The following TET1 variants were observed in gnomAD, a reference collection of about 807,000 sequenced individuals.
The protein encoded by TET1 is tet methylcytosine dioxygenase 1, also known as methylcytosine dioxygenase TET1.
In TET1, 13 loss-of-function variants were observed where a neutral mutation model predicts 148.7. The observed-to-expected ratio is 0.09, with a 90% CI of 0.06 to 0.14. The LOEUF is 0.14. Among genes scored for constraint, TET1 ranks in the 10% least tolerant of loss-of-function variants. The probability of loss-of-function intolerance (pLI) is 1.00; values close to 1 mark genes in which losing one functional copy is unlikely to be tolerated. For synonymous variants in TET1, 907 were observed against 937.2 expected (o/e 0.97, Z 0.59); for missense variants, 2,182 against 2,553.8 (o/e 0.85, Z 3.14).
Position 68,592,395 on chromosome 10 carries a change from C to T in TET1, c.1915-8586C>T, listed in dbSNP as rs1339214382. Among the ~76,000 whole-genome samples, 3 of 152,116 alleles carry T rather than the reference C, an allele frequency of 2.0e-5. No homozygotes were observed. In the East Asian group the frequency reaches 5.8e-4, roughly 29 times the overall value. On this transcript the variant is annotated intron_variant, in intron 2 of 11. Coordinates refer to ENST00000373644, the MANE Select transcript of TET1 (RefSeq NM_030625.3). ...AACCAATCACCTCTCTTTAGTTCTC[C>T]CCTTGAAAAGGTAACTTATATTTTT...
intron 3 of TET1, among the ~76,000 whole-genome samples, chr10:68,633,183 C>CA (rs918853077): frequency 5.3e-5 from 8 of 150,934 alleles, no homozygotes; most frequent in Non-Finnish European, 8.9e-5. Context: ...GACCTCATCT[C>CA]AAAAAAAACA....
chr10:68,595,647 CATT>C (rs1484386990), intron 2 of TET1, among the ~76,000 whole-genome samples: 5 of 97,562 alleles, frequency 5.1e-5, no homozygotes. Context: ...GGTGTAGTCT[CATT>C]ATGTCACCCA....
chr10:68,640,590 C>T (rs527774903), intron 3 of TET1, among the ~76,000 whole-genome samples: 49 of 76,772 alleles, frequency 6.4e-4, no homozygotes, highest in African/African-American at 2.2e-3. Flanking sequence ...CTTGTTCTGT[C>T]GCCCAGGCTG....
chr10:68,580,656 C>G (rs1189711844), intron 2 of TET1, among the ~76,000 whole-genome samples: 1 of 151,144 alleles, frequency 6.6e-6, no homozygotes, highest in Non-Finnish European at 1.5e-5. Context: ...GTGGTGCATG[C>G]CTATAATCTC....
At chr10:68,595,979 T>TAC (rs2053980081) in intron 2 of TET1, among the ~76,000 whole-genome samples, 2 of 30,356 alleles carry the variant, frequency 6.6e-5, no homozygotes, top group Admixed American at 4.8e-4. Context: ...CACACACACA[T>TAC]ATATACACAC....
At chr10:68,670,297 C>A (rs1564503053) in intron 7 of TET1, among the ~76,000 whole-genome samples, 1 of 152,106 alleles carries the variant, frequency 6.6e-6, no homozygotes, top group African/African-American at 2.4e-5. Flanking sequence ...CTCCCTTAAT[C>A]CTTTTTGTTT....
intron 1 of TET1, among the ~76,000 whole-genome samples, chr10:68,565,312 T>C (rs1278562751): frequency 2.0e-5 from 3 of 151,718 alleles, no homozygotes; most frequent in Non-Finnish European, 4.4e-5. Context: ...CCACCCTGTC[T>C]TTACAAAAGA....
intron 1 of TET1, among the ~76,000 whole-genome samples, chr10:68,562,075 A>G (rs1219921959): frequency 6.6e-6 from 1 of 152,152 alleles, no homozygotes; most frequent in African/African-American, 2.4e-5. Context: ...AAGTGCTGCA[A>G]GACCTTGGAG....
intron 6 of TET1, among the ~76,000 whole-genome samples, chr10:68,654,757 T>G (rs2054997664): frequency 6.6e-6 from 1 of 152,250 alleles, no homozygotes; most frequent in African/African-American, 2.4e-5. Flanking sequence ...CATGTTTGAA[T>G]AACAAACAGG....
chr10:68,646,227 A>C lies in TET1; in HGVS notation c.3498A>C (p.Val1166=). ...GGCGGAAAAAGAAGCCCACAGTTGT[A>C]AGTTATCAAGAAAATGATCGGCAGA... The part of the protein sequence containing the change: ...RDRRKKKPTV[V]SYQENDRQKW... The change falls in exon 4 of 12, where the codon GTA becomes GTC. Residue 1166 remains valine (V), a synonymous_variant. Coordinates refer to ENST00000373644, the MANE Select transcript of TET1 (RefSeq NM_030625.3). 6.2e-7 allele frequency: 1 copy of C among 1,614,196 alleles called. No individual in the cohort carries two copies. Among genetic ancestry groups the C allele is most frequent in the Non-Finnish European group, 8.5e-7 (1 of 1,180,040 alleles).
chr10:68,659,535 T>C (rs1344388931), intron 6 of TET1, among the ~76,000 whole-genome samples: 1 of 152,074 alleles, frequency 6.6e-6, no homozygotes, highest in African/African-American at 2.4e-5. Context: ...CCCAGGCTGG[T>C]CTCGAACTCC....
chr10:68,673,051 T>C lies in TET1; in HGVS notation c.4824+6T>C. The C allele has an allele frequency of 6.3e-7, 1 of 1,595,592 alleles. No individual in the cohort carries two copies. The highest frequency in any genetic ancestry group is 8.6e-7 in the Non-Finnish European group (1 of 1,168,740). Reference sequence around the variant, plus strand: ...ATCCAAGCTCTCCCTTACATGTAAGTGTCCTTCTTTATTCAAATAATTTAT... The same window carrying C: ...ATCCAAGCTCTCCCTTACATGTAAGCGTCCTTCTTTATTCAAATAATTTAT... On this transcript the variant is annotated splice_donor_region_variant and intron_variant, in intron 8 of 11. Transcript: ENST00000373644.
chr10:68,681,975 A>AC (rs1377723999), intron 9 of TET1, among the ~76,000 whole-genome samples: 1 of 150,740 alleles, frequency 6.6e-6, no homozygotes, highest in Non-Finnish European at 1.5e-5. Context: ...CTCAAAAAAA[A>AC]AAACAAAAAA....
intron 3 of TET1, among the ~76,000 whole-genome samples, chr10:68,627,762 C>CTAA (rs137960231): frequency 1.4e-5 from 2 of 147,774 alleles, no homozygotes; most frequent in Admixed American, 6.7e-5. Context: ...CCCGTCTCTA[C>CTAA]CAAAAAAATA....
Position 68,632,179 on chromosome 10 carries a change from GGGCGTGGT to G in TET1, c.1969-12514_1969-12507del, listed in dbSNP as rs979921500. 3.9e-5 allele frequency among the ~76,000 whole-genome samples: 6 copies of G among 152,026 alleles called. No individual in the cohort carries two copies. In the East Asian group the frequency reaches 1.2e-3, roughly 30 times the overall value. On this transcript the variant is annotated intron_variant, in intron 3 of 11. Coordinates refer to ENST00000373644, the MANE Select transcript of TET1 (RefSeq NM_030625.3). The stretch of plus-strand genomic sequence containing the variant: ...TACTAAAAATACAAAAAAATTAGCG[GGGCGTGGT>G]GGCGGGCGCCTGTAGTCCTAGCTAC...
chr10:68,615,869 A>G (rs759441520), intron 3 of TET1, among the ~76,000 whole-genome samples: 10 of 151,626 alleles, frequency 6.6e-5, no homozygotes, highest in Non-Finnish European at 1.5e-4. Flanking sequence ...CTGGTCTCGA[A>G]CTCCCGACCT....
chr10:68,563,606 G>A (rs987768421), intron 1 of TET1, among the ~76,000 whole-genome samples: 8 of 152,206 alleles, frequency 5.3e-5, no homozygotes, highest in Admixed American at 1.3e-4. Context: ...TTGCCCAGAG[G>A]ATTTTGGGGG....
chr10:68,577,189 C>T (rs546626569), intron 2 of TET1, among the ~76,000 whole-genome samples: 4 of 152,150 alleles, frequency 2.6e-5, no homozygotes, highest in Non-Finnish European at 5.9e-5. Flanking sequence ...GGATTACAGG[C>T]GTGAGCCACC....
rs574056398 is a variant in TET1, at chr10:68,572,113, G to A, written c.-122-104G>A. ...AGCCTGGGCAACAGAATGAGACCCT[G>A]TCTCAAAAAAATAAAATAAAACAAT... On this transcript the variant is annotated intron_variant, in intron 1 of 11. Transcript: ENST00000373644. 1.7e-4 allele frequency: 76 copies of A among 456,352 alleles called. 2 individuals are homozygous for A. Among genetic ancestry groups the A allele is most frequent in the South Asian group, 1.1e-3 (38 of 33,374 alleles). The allele number at this position is 456,352 out of a possible 1,614,324, so 28.3% of individuals were successfully genotyped here.
Sources: gnomAD v4.1 joint callset for allele counts (sites outside exome capture counted in the v4.1 genomes callset) on GRCh38, gnomAD v4.1.1 for gene constraint, MANE v1.5 for transcripts, NCBI Gene and HGNC (gene_info 2026-07-23, HGNC 2026-07-21) for gene names.